Variants in PRKN observed in about 807,000 individuals in gnomAD.
PRKN encodes E3 ubiquitin-protein ligase parkin.
A neutral mutation model predicts 59.5 loss-of-function variants in PRKN; 56 were observed. The ratio of observed to expected loss-of-function variants is 0.94; its 90% CI spans 0.76 to 1.18. PRKN has a LOEUF of 1.18. Among genes scored for constraint, PRKN ranks in the 50% most tolerant of loss-of-function variants. PRKN has a pLI of 0.00. For synonymous variants in PRKN, 250 were observed against 222.1 expected, an observed-to-expected ratio of 1.13 and a Z score of -1.12; for missense variants, 657 against 596.4, an observed-to-expected ratio of 1.10 and a Z score of -1.06.
rs1779308901 is a variant in PRKN at position 161,533,765 on chromosome 6, G to T, written c.1083+15089C>A. Among the ~76,000 whole-genome samples the T allele has an allele frequency of 6.6e-6, 1 of 151,304 alleles. No homozygotes were observed. The highest frequency in any genetic ancestry group is 1.5e-5 in the Non-Finnish European group (1 of 67,836). ...GCTGCCCTCCTCTCTCCTTTCTTCC[G>T]CCTGTTAAACTTTCCACTCCTTAAC... On this transcript the variant is annotated intron_variant, in intron 9 of 11. Transcript: ENST00000366898. This position sits in a 1 kb window ranked among gnomAD's most constrained non-coding sequence, Gnocchi z 4.1.
At chr6:162,643,453 A>G (rs1397544253) in intron 1 of PRKN, among the ~76,000 whole-genome samples, 1 of 151,648 alleles carries the variant, frequency 6.6e-6, no homozygotes, top group Non-Finnish European at 1.5e-5. Context: ...CACTATGTGT[A>G]ATTATTTTAA....
intron 2 of PRKN, among the ~76,000 whole-genome samples, chr6:162,311,454 CTTGT>C (rs958413585): frequency 2.7e-5 from 4 of 149,498 alleles, no homozygotes; most frequent in Non-Finnish European, 4.4e-5. Context: ...ATAATCTCAA[CTTGT>C]TTAAGTAATA....
intron 2 of PRKN, among the ~76,000 whole-genome samples, chr6:162,291,961 G>GTT (rs10550090): frequency 6.2e-5 from 8 of 129,586 alleles, no homozygotes; most frequent in South Asian, 2.5e-4. Context: ...TATTATTATT[G>GTT]TTTTTTTTTT....
At chr6:162,659,954 T>C (rs919938796) in intron 1 of PRKN, among the ~76,000 whole-genome samples, 2 of 152,108 alleles carry the variant, frequency 1.3e-5, no homozygotes, top group African/African-American at 2.4e-5. Context: ...TTATGAAACA[T>C]CAAGAACAAT....
chr6:162,311,995 C>T (rs570852136), intron 2 of PRKN, among the ~76,000 whole-genome samples: 8 of 152,138 alleles, frequency 5.3e-5, no homozygotes, highest in East Asian at 1.9e-4. Context: ...CATGCATACA[C>T]GTACACACTT....
chr6:161,779,607 G>A (rs1472630763), intron 7 of PRKN, among the ~76,000 whole-genome samples: 1 of 151,392 alleles, frequency 6.6e-6, no homozygotes, highest in Admixed American at 6.6e-5. Flanking sequence ...ACCACACCTA[G>A]CTAATTTTTG....
intron 2 of PRKN, among the ~76,000 whole-genome samples, chr6:162,433,747 A>G (rs1789646546): frequency 6.6e-6 from 1 of 152,206 alleles, no homozygotes; most frequent in Admixed American, 6.5e-5. Flanking sequence ...TTACGCATAG[A>G]TGGAATGCAA....
At chr6:162,380,214 C>T (rs1786354723) in intron 2 of PRKN, among the ~76,000 whole-genome samples, 1 of 151,586 alleles carries the variant, frequency 6.6e-6, no homozygotes, top group Admixed American at 6.6e-5. Context: ...CTTATTAGGG[C>T]AAGTAAATTT....
chr6:162,530,973 C>A (rs1224828771), intron 1 of PRKN, among the ~76,000 whole-genome samples: 1 of 146,772 alleles, frequency 6.8e-6, no homozygotes, highest in Non-Finnish European at 1.5e-5. Context: ...AGGAGAATTG[C>A]TTGAACCCGG....
Position 161,573,100 on chromosome 6 carries a change from G to T in PRKN, c.872-3684C>A, listed in dbSNP as rs74566516. Reference sequence around the variant, plus strand: ...TGCCAGTGACGTCCCATGGTCTGGGGCCGAGTGTCCGAAGGGTAGAGTCAC... The same window carrying T: ...TGCCAGTGACGTCCCATGGTCTGGGTCCGAGTGTCCGAAGGGTAGAGTCAC... On this transcript the variant is annotated intron_variant, in intron 7 of 11. Coordinates refer to ENST00000366898, the MANE Select transcript of PRKN (RefSeq NM_004562.3). Among the ~76,000 whole-genome samples the T allele has an allele frequency of 5.9e-3, 905 of 152,260 alleles. 11 individuals are homozygous for T. Among genetic ancestry groups the T allele is most frequent in the African/African-American group, 0.021 (871 of 41,556 alleles).
chr6:162,628,513 G>A (rs1185860291), intron 1 of PRKN, among the ~76,000 whole-genome samples: 2 of 152,066 alleles, frequency 1.3e-5, no homozygotes, highest in Non-Finnish European at 2.9e-5. Flanking sequence ...GGAGTAGAAA[G>A]GTTTATTAAA....
chr6:161,603,754 A>T (rs1782183220), intron 7 of PRKN, among the ~76,000 whole-genome samples: 1 of 152,210 alleles, frequency 6.6e-6, no homozygotes, highest in Non-Finnish European at 1.5e-5. Context: ...GGACAAAATT[A>T]TTTCCATAAG....
At chr6:162,535,510 T>C (rs1286065939) in intron 1 of PRKN, among the ~76,000 whole-genome samples, 1 of 152,106 alleles carries the variant, frequency 6.6e-6, no homozygotes, top group Non-Finnish European at 1.5e-5. Context: ...GGTGTGTGTG[T>C]GTCTATATAT....
intron 1 of PRKN, among the ~76,000 whole-genome samples, chr6:162,549,844 G>A (rs550673622): frequency 1.3e-5 from 2 of 152,172 alleles, no homozygotes; most frequent in East Asian, 3.9e-4. Context: ...TCACCACGTT[G>A]GCCAGGCTGT....
At chr6:162,429,346 C>T (rs1015161702) in intron 2 of PRKN, among the ~76,000 whole-genome samples, 1 of 152,072 alleles carries the variant, frequency 6.6e-6, no homozygotes, top group Non-Finnish European at 1.5e-5. Flanking sequence ...AGAAAAGGGA[C>T]CTTGTCTGTC....
At chr6:161,876,255 T>C (rs1562358081) in intron 6 of PRKN, among the ~76,000 whole-genome samples, 1 of 152,206 alleles carries the variant, frequency 6.6e-6, no homozygotes, top group Non-Finnish European at 1.5e-5. Flanking sequence ...ATCCTTGATT[T>C]TGAGATTATT....
chr6:162,090,063 A>AT (rs984244445), intron 4 of PRKN, among the ~76,000 whole-genome samples: 1 of 152,118 alleles, frequency 6.6e-6, no homozygotes, highest in African/African-American at 2.4e-5. Context: ...ATCAACTGTT[A>AT]TTTTTTTGAA....
intron 5 of PRKN, among the ~76,000 whole-genome samples, chr6:162,013,890 A>G (rs528297963): frequency 5.3e-5 from 8 of 152,274 alleles, no homozygotes; most frequent in African/African-American, 1.9e-4. Context: ...ACTGTGCCAT[A>G]TTATCTATTT....
intron 7 of PRKN, among the ~76,000 whole-genome samples, chr6:161,650,279 A>G (rs1342909302): frequency 6.6e-6 from 1 of 152,196 alleles, no homozygotes; most frequent in Non-Finnish European, 1.5e-5. Context: ...AGAGAGAATT[A>G]AGAGACTCAG....
Sources: allele counts gnomAD v4.1 joint callset (sites outside exome capture counted in the v4.1 genomes callset), GRCh38; gene constraint gnomAD v4.1.1; non-coding constraint Gnocchi (gnomAD v3.1); transcripts MANE v1.5; gene names NCBI Gene and HGNC (gene_info 2026-07-23, HGNC 2026-07-21).